The following IMPDH2 variants were observed in gnomAD, a reference collection of about 807,000 sequenced individuals.
IMPDH2 encodes the protein inosine monophosphate dehydrogenase 2.
A neutral mutation model predicts 57.8 loss-of-function variants in IMPDH2; 33 were observed. The observed-to-expected ratio is 0.57, with a 90% CI of 0.43 to 0.76. The LOEUF (loss-of-function observed/expected upper bound fraction) is 0.76, where lower values mean the gene tolerates loss of function less well. IMPDH2 is among the 30% of genes least tolerant of loss of function. IMPDH2 has a pLI of 0.00. For missense variants in IMPDH2, 446 were observed against 659.1 expected (o/e 0.68, Z 3.54); for synonymous variants, 270 against 241.3 (o/e 1.12, Z -1.10).
Position 49,029,336 on chromosome 3 carries a change from C to G in IMPDH2, c.15G>C (p.Leu5=). The G allele has an allele frequency of 6.3e-7, 1 of 1,599,550 alleles. No individual in the cohort carries two copies. The highest frequency in any genetic ancestry group is 1.3e-5 in the African/African-American group (1 of 74,972). ...GCACGTAGGACGTGCCCCCACTAAT[C>G]AGGTAGTCGGCCATGGCCAACACAG... The part of the protein sequence containing the change: MADY[L]ISGGTSYVPD... The change falls in exon 1 of 14, where the codon CTG becomes CTC. Residue 5 remains leucine (L), a synonymous_variant. Transcript: ENST00000326739.
At chr3:49,028,961 T>C in intron 1 of IMPDH2, 155 bp from the exon 2 acceptor site, 1 of 703,510 alleles carries the variant, frequency 1.4e-6, no homozygotes, top group Non-Finnish European at 2.6e-6. Flanking sequence ...TGGAAATGGG[T>C]ACAGGGGACC....
In IMPDH2 at chr3:49,028,618, T is replaced by C. The variant is rs1448994232; in HGVS notation, c.148-86A>G. 4.5e-6 allele frequency: 6 copies of C among 1,326,402 alleles called. No individual in the cohort carries two copies. The African/African-American group carries it at 5.8e-5, about 13-fold the overall frequency. The allele number at this position is 1,326,402 out of a possible 1,614,324, so 82.2% of individuals were successfully genotyped here. ...AGTCCCCCACAAAAAGGCACTTTTG[T>C]ATGACCTGCATGCTAACAAGCAACA... is the stretch of plus-strand genomic sequence containing the variant. On this transcript the variant is annotated intron_variant, in intron 2 of 13. Transcript: ENST00000326739.
chr3:49,026,939 T>C lies in IMPDH2; in HGVS notation c.619+21A>G, dbSNP rs200772308. On this transcript the variant is annotated intron_variant, in intron 6 of 13. Coordinates refer to ENST00000326739, the MANE Select transcript of IMPDH2 (RefSeq NM_000884.3). ...GACCCTAGGCATTAGTTCCAGGCCCTTTCCCAGCTCTAGGACTTACCCTTC... is the reference window on the plus strand; with the variant it reads ...GACCCTAGGCATTAGTTCCAGGCCCCTTCCCAGCTCTAGGACTTACCCTTC... 5.0e-6 allele frequency: 8 copies of C among 1,613,714 alleles called. No homozygotes were observed. In the East Asian group the frequency reaches 1.6e-4, roughly 31 times the overall value.
chr3:49,026,722 A>T lies in IMPDH2; in HGVS notation c.784T>A (p.Leu262Met). ...THEDDKYRLD[L>M]LAQAGVDVVV... The stretch of plus-strand genomic sequence containing the variant: ...ACATCCACACCAGCCTGGGCGAGCA[A>T]GTCCAGCCTATACTTGTCATCCTCA... The change falls in exon 7 of 14, where the codon TTG (leucine) becomes ATG (methionine). Residue 262 changes from leucine (L) to methionine (M), a missense_variant. Physicochemically the swap from Leu to Met is conservative, Grantham distance 15. Coordinates refer to ENST00000326739, the MANE Select transcript of IMPDH2 (RefSeq NM_000884.3). The T allele has an allele frequency of 6.2e-7, 1 of 1,614,242 alleles. No homozygotes were observed. The highest frequency in any genetic ancestry group is 8.5e-7 in the Non-Finnish European group (1 of 1,180,036).
At position 49,026,680 on chromosome 3, in the gene IMPDH2, A is replaced by G; in HGVS notation, c.819+7T>C. The G allele has an allele frequency of 6.2e-7, 1 of 1,613,988 alleles. No homozygotes were observed. Among genetic ancestry groups the G allele is most frequent in the Non-Finnish European group, 8.5e-7 (1 of 1,179,908 alleles). On this transcript the variant is annotated splice_region_variant and intron_variant, in intron 7 of 13. Transcript: ENST00000326739. ...TATTGCCCCAACCCACCTGTGTAGC[A>G]GCTCACCAAAACCACTACATCCACA... is the stretch of plus-strand genomic sequence containing the variant.
chr3:49,024,476 C>G lies in IMPDH2; in HGVS notation c.1523+19G>C, dbSNP rs1352812696. ...GCATGAGGTATGGCAGAGGCCCCAC[C>G]AAGGACAGGGTGACTTACGAATGGA... On this transcript the variant is annotated intron_variant, in intron 13 of 13. Transcript: ENST00000326739. The G allele has an allele frequency of 6.2e-7, 1 of 1,614,170 alleles. No individual in the cohort carries two copies. Among genetic ancestry groups the G allele is most frequent in the South Asian group, 1.1e-5 (1 of 91,084 alleles).
chr3:49,027,097 G>A (rs201353618), intron 5 of IMPDH2, 50 bp from the exon 6 acceptor site: 31 of 1,369,944 alleles, frequency 2.3e-5, no homozygotes, highest in East Asian at 2.1e-4. Context: ...ACTATGACCA[G>A]TTAACTCTTT....
chr3:49,028,638 G>A, intron 2 of IMPDH2, 106 bp from the exon 3 acceptor site: 1 of 1,301,966 alleles, frequency 7.7e-7, no homozygotes, highest in Non-Finnish European at 1.1e-6. Context: ...ATGCTAACAA[G>A]CAACATGATC....
Position 49,029,322 on chromosome 3 carries a change from G to A in IMPDH2, c.29C>T (p.Thr10Met), listed in dbSNP as rs1289569319. The part of the protein sequence containing the change: MADYLISGG[T>M]SYVPDDGLTA... ...GAGTCCGTCGTCTGGCACGTAGGAC[G>A]TGCCCCCACTAATCAGGTAGTCGGC... The change falls in exon 1 of 14, where the codon ACG (threonine) becomes ATG (methionine). Residue 10 changes from threonine to methionine, a missense_variant. Thr to Met is a moderately conservative substitution (Grantham distance 81, BLOSUM62 -1). Coordinates refer to ENST00000326739, the MANE Select transcript of IMPDH2 (RefSeq NM_000884.3). 3 of 1,604,684 alleles carry A rather than the reference G, an allele frequency of 1.9e-6. No individual in the cohort carries two copies. The highest frequency in any genetic ancestry group is 2.6e-6 in the Non-Finnish European group (3 of 1,175,930).
rs779322486 is a variant in IMPDH2 at position 49,024,957 on chromosome 3, G to A, written c.1234C>T (p.Arg412Cys). The A allele has an allele frequency of 1.1e-5, 17 of 1,614,104 alleles. No individual in the cohort carries two copies. Among genetic ancestry groups the A allele is most frequent in the South Asian group, 2.2e-5 (2 of 91,088 alleles). Reference sequence around the variant, plus strand: ...ATGGCATCGAGAGAACCCATACCGCGATATTTCTTTAGCCGGATCCCATCG... The same window carrying A: ...ATGGCATCGAGAGAACCCATACCGCAATATTTCTTTAGCCGGATCCCATCG... ...FSDGIRLKKY[R>C]GMGSLDAMDK... Residue 412 changes from arginine (R) to cysteine (C), a missense_variant, in exon 11 of 14, where the codon CGC (arginine) becomes TGC (cysteine). Physicochemically the swap from Arg to Cys is radical, Grantham distance 180 (BLOSUM62 -3). Coordinates refer to ENST00000326739, the MANE Select transcript of IMPDH2 (RefSeq NM_000884.3).
chr3:49,025,935 TCAAC>T, intron 9 of IMPDH2: 1 of 462,430 alleles, frequency 2.2e-6, no homozygotes, highest in South Asian at 1.5e-5. Flanking sequence ...TACAGCTACG[TCAAC>T]CAAGCAGCCG....
In IMPDH2 at chr3:49,025,029, A is replaced by C. The variant is rs2093191919; in HGVS notation, c.1162T>G (p.Ser388Ala). The C allele has an allele frequency of 1.9e-6, 3 of 1,614,250 alleles. No homozygotes were observed. Among genetic ancestry groups the C allele is most frequent in the African/African-American group, 1.3e-5 (1 of 75,076 alleles). Residue 388 changes from serine to alanine, a missense_variant, in exon 11 of 14, where the codon TCT (serine) becomes GCT (alanine). Transcript: ENST00000326739. ...ALGASTVMMG[S>A]LLAATTEAPG... is the part of the protein sequence containing the mutation. ...GCCTCAGTGGTGGCAGCCAGGAGAG[A>C]GCCCATCATGACTGCGGACAGATGG... is the stretch of plus-strand genomic sequence containing the variant.
At chr3:49,025,905 G>A (rs1483145504) in intron 9 of IMPDH2, 2 of 456,242 alleles carry the variant, frequency 4.4e-6, no homozygotes, top group African/African-American at 2.0e-5. Flanking sequence ...CCACCCATCA[G>A]CACCACAAAC....
At position 49,027,008 on chromosome 3, in the gene IMPDH2, C is replaced by G; in HGVS notation, c.571G>C (p.Gly191Arg). ...KREDLVVAPA[G>R]ITLKEANEIL... is the part of the protein sequence containing the mutation. ...TCATTTGCCTCCTTCAGTGTGATGCCTGCAGGGGCTACCACCAAGTCTTCC... is the reference window on the plus strand; with the variant it reads ...TCATTTGCCTCCTTCAGTGTGATGCGTGCAGGGGCTACCACCAAGTCTTCC... The change falls in exon 6 of 14, where the codon GGC (glycine) becomes CGC (arginine). Residue 191 changes from glycine (G) to arginine (R), a missense_variant. Gly to Arg is a moderately radical substitution (Grantham distance 125, BLOSUM62 -2). Transcript: ENST00000326739. 6.2e-7 allele frequency: 1 copy of G among 1,614,122 alleles called. No homozygotes were observed. The highest frequency in any genetic ancestry group is 8.5e-7 in the Non-Finnish European group (1 of 1,179,978).
intron 4 of IMPDH2, 121 bp downstream of exon 4, chr3:49,028,127 C>A (rs936474897): frequency 6.5e-6 from 6 of 920,376 alleles, no homozygotes; most frequent in South Asian, 1.4e-5. Context: ...AGGGTCTTCT[C>A]AGTAACTGAA....
Position 49,024,816 on chromosome 3 carries a change from CAG to C in IMPDH2, c.1296-16_1296-15del, listed in dbSNP as rs780499888. 1.2e-6 allele frequency: 2 copies of C among 1,613,992 alleles called. No homozygotes were observed. Among genetic ancestry groups the C allele is most frequent in the African/African-American group, 2.7e-5 (2 of 74,938 alleles). On this transcript the variant is annotated splice_polypyrimidine_tract_variant and intron_variant, in intron 11 of 13. Transcript: ENST00000326739. ...TTGTCAGCTTCACTGCAGGGAGAGGCAGAGACACGGGCAAGGTCACAGCAGAG... is the reference window on the plus strand; with the variant it reads ...TTGTCAGCTTCACTGCAGGGAGAGGCAGACACGGGCAAGGTCACAGCAGAG...
chr3:49,027,161 A>T, intron 5 of IMPDH2, 114 bp from the exon 6 acceptor site: 1 of 794,366 alleles, frequency 1.3e-6, no homozygotes, highest in South Asian at 1.4e-5. Flanking sequence ...CACCCAACTA[A>T]TTTTTTGTAT....
intron 9 of IMPDH2, chr3:49,025,896 C>A: frequency 2.2e-6 from 1 of 451,326 alleles, no homozygotes; most frequent in Non-Finnish European, 4.4e-6. Context: ...TGGCCTTGCC[C>A]ACCCATCAGC....
chr3:49,029,242 T>C lies in IMPDH2; in HGVS notation c.98+11A>G. On this transcript the variant is annotated intron_variant, in intron 1 of 13. Coordinates refer to ENST00000326739, the MANE Select transcript of IMPDH2 (RefSeq NM_000884.3). ...CCTCTCTTCGCCCAGGTGAGCCCCA[T>C]AGGCCCGCACTTGTAGGTGAGGCCG... The C allele has an allele frequency of 2.5e-6, 4 of 1,586,906 alleles. No homozygotes were observed. Among genetic ancestry groups the C allele is most frequent in the Admixed American group, 1.8e-5 (1 of 55,680 alleles).
Sources: gnomAD v4.1 joint callset for allele counts on GRCh38, gnomAD v4.1.1 for gene constraint, MANE v1.5 for transcripts, NCBI Gene and HGNC (gene_info 2026-07-23, HGNC 2026-07-21) for gene names.